RNASE13: variants seen among roughly 807,000 people sequenced by gnomAD.
The protein encoded by RNASE13 is probable inactive ribonuclease-like protein 13.
For missense variants in RNASE13, 188 were observed against 192.8 expected, an observed-to-expected ratio of 0.98 and a Z score of 0.15; for synonymous variants, 67 against 71.6, an observed-to-expected ratio of 0.94 and a Z score of 0.32.
rs934146877 is a variant in RNASE13, at chr14:21,033,183, G to C, written c.*635C>G. ...GGGTGACTACGGTTGTTGGGAGTGT[G>C]GGGGAGACAGTCCTAGGCTCCATGG... On this transcript the variant is annotated 3_prime_UTR_variant, in exon 2 of 2. Coordinates refer to ENST00000382951, the MANE Select transcript of RNASE13 (RefSeq NM_001012264.4). 8.2e-6 allele frequency: 3 copies of C among 365,648 alleles called. No individual in the cohort carries two copies. Among genetic ancestry groups the C allele is most frequent in the South Asian group, 2.1e-5 (1 of 48,166 alleles). 22.7% of individuals were successfully genotyped at this position (365,648 alleles called of 1,614,324 possible). A position where few individuals can be genotyped will look rare whatever the true frequency, so the allele number is the denominator to read the frequency against.
In RNASE13 at chr14:21,034,290, C is replaced by T. The variant is rs1884467848; in HGVS notation, c.-2G>A. Reference sequence around the variant, plus strand: ...GAGCCGGGTCACAGCTGGTGCCATTCCTCCTGCTGGTAGAGTTAAGGTGGT... The same window carrying T: ...GAGCCGGGTCACAGCTGGTGCCATTTCTCCTGCTGGTAGAGTTAAGGTGGT... On this transcript the variant is annotated 5_prime_UTR_variant, in exon 2 of 2. Transcript: ENST00000382951. The T allele has an allele frequency of 4.4e-6, 7 of 1,604,786 alleles. No individual in the cohort carries two copies. The highest frequency in any genetic ancestry group is 5.1e-6 in the Non-Finnish European group (6 of 1,174,750).
In RNASE13 at chr14:21,033,380, A is replaced by T. The variant is rs992865575; in HGVS notation, c.*438T>A. The T allele has an allele frequency of 5.2e-5, 14 of 269,870 alleles. No homozygotes were observed. Among genetic ancestry groups the T allele is most frequent in the African/African-American group, 2.9e-4 (13 of 44,504 alleles). 16.7% of individuals were successfully genotyped at this position (269,870 alleles called of 1,614,324 possible). A position where few individuals can be genotyped will look rare whatever the true frequency, so the allele number is the denominator to read the frequency against. ...CTGAGTAGGTGGGTGAGTGGAGGGA[A>T]TTATAAGGGAACTGGGGGAGGCTGA... is the stretch of plus-strand genomic sequence containing the variant. On this transcript the variant is annotated 3_prime_UTR_variant, in exon 2 of 2. Transcript: ENST00000382951.
rs1884402414 is a variant in RNASE13, at chr14:21,033,648, C to G, written c.*170G>C. ...GCTGGAAAGAACCTAGAAGATAGCA[C>G]CACTTTGCATGGTGATCAAAGCCCT... On this transcript the variant is annotated 3_prime_UTR_variant, in exon 2 of 2. Coordinates refer to ENST00000382951, the MANE Select transcript of RNASE13 (RefSeq NM_001012264.4). 5 of 622,382 alleles carry G rather than the reference C, an allele frequency of 8.0e-6. No individual in the cohort carries two copies. Among genetic ancestry groups the G allele is most frequent in the Middle Eastern group, 3.1e-4 (1 of 3,182 alleles). The allele number at this position is 622,382 out of a possible 1,614,324, so 38.6% of individuals were successfully genotyped here.
At position 21,034,096 on chromosome 14, in the gene RNASE13, T is replaced by G. The variant is rs1884447135; in HGVS notation, c.193A>C (p.Asn65His). 6.2e-7 allele frequency: 1 copy of G among 1,614,158 alleles called. No homozygotes were observed. The highest frequency in any genetic ancestry group is 8.5e-7 in the Non-Finnish European group (1 of 1,180,014). ...TAATGGATCTTTGGGCAATCTGAAT[T>G]TTGCATCTTGCCTCGCATATAGGAC... ...LMSYMRGKMQ[N>H]SDCPKIHYVI... The change falls in exon 2 of 2, where the codon AAT becomes CAT. Residue 65 changes from asparagine (N) to histidine (H), a missense_variant. Asn to His is a moderately conservative substitution (Grantham distance 68). Coordinates refer to ENST00000382951, the MANE Select transcript of RNASE13 (RefSeq NM_001012264.4).
In RNASE13 at chr14:21,033,967, G is replaced by T. The variant is rs1884434514; in HGVS notation, c.322C>A (p.Pro108Thr). The T allele has an allele frequency of 6.2e-7, 1 of 1,613,890 alleles. No homozygotes were observed. Among genetic ancestry groups the T allele is most frequent in the Non-Finnish European group, 8.5e-7 (1 of 1,179,920 alleles). ...TGGCTCAGGGAGCAGACCGTGATGG[G>T]GAGGGAATCCTGGGTGAGTGTGCAG... ...EYCTLTQDSL[P>T]ITVCSLSHQQ... Residue 108 changes from proline (P) to threonine (T), a missense_variant, in exon 2 of 2, where the codon CCC becomes ACC. By Grantham distance (38) the Pro-to-Thr change is conservative (BLOSUM62 -1). Transcript: ENST00000382951.
At position 21,034,093 on chromosome 14, in the gene RNASE13, A is replaced by G; in HGVS notation, c.196T>C (p.Ser66Pro). The G allele has an allele frequency of 6.2e-7, 1 of 1,614,168 alleles. No individual in the cohort carries two copies. The highest frequency in any genetic ancestry group is 1.6e-4 in the Middle Eastern group (1 of 6,062). The change falls in exon 2 of 2, where the codon TCA becomes CCA. Residue 66 changes from serine to proline, a missense_variant. Coordinates refer to ENST00000382951, the MANE Select transcript of RNASE13 (RefSeq NM_001012264.4). Reference protein sequence around the residue: ...MSYMRGKMQNSDCPKIHYVIH... With the variant: ...MSYMRGKMQNPDCPKIHYVIH... ...ACATAATGGATCTTTGGGCAATCTG[A>G]ATTTTGCATCTTGCCTCGCATATAG...
rs1204934004 is a variant in RNASE13, at chr14:21,032,882, C to CA, written c.*935dup. 1 of 451,094 alleles carries CA rather than the reference C, an allele frequency of 2.2e-6. No homozygotes were observed. The allele number at this position is 451,094 out of a possible 1,614,324, so 27.9% of individuals were successfully genotyped here. On this transcript the variant is annotated 3_prime_UTR_variant, in exon 2 of 2. Transcript: ENST00000382951. ...TGACAGGAAGTTACAAAAAATGGTA[C>CA]AGAGGGGGCTCGTGTGCCCTTCACC...
Position 21,034,127 on chromosome 14 carries a change from A to G in RNASE13, c.162T>C (p.Gly54=). ...TCTTGCCTCGCATATAGGACATCAG[A>G]CCATTACAATAGCCCCGGAAACCCT... ...YPKGFRGYCN[G]LMSYMRGKMQ... The change falls in exon 2 of 2, where the codon GGT becomes GGC. Residue 54 remains glycine, a synonymous_variant. Coordinates refer to ENST00000382951, the MANE Select transcript of RNASE13 (RefSeq NM_001012264.4). 6.2e-7 allele frequency: 1 copy of G among 1,614,198 alleles called. No homozygotes were observed. Among genetic ancestry groups the G allele is most frequent in the South Asian group, 1.1e-5 (1 of 91,080 alleles).
In RNASE13 at chr14:21,033,577, G is replaced by A. The variant is rs1243506150; in HGVS notation, c.*241C>T. 5.3e-6 allele frequency: 3 copies of A among 566,562 alleles called. No homozygotes were observed. In the East Asian group the frequency reaches 8.9e-5, roughly 17 times the overall value. The allele number at this position is 566,562 out of a possible 1,614,324, so 35.1% of individuals were successfully genotyped here. ...CTTGGGTGGGTTTTACTGTCTCTGG[G>A]AGAGGAAGGATGATGAGGAGGTGGG... is the stretch of plus-strand genomic sequence containing the variant. On this transcript the variant is annotated 3_prime_UTR_variant, in exon 2 of 2. Coordinates refer to ENST00000382951, the MANE Select transcript of RNASE13 (RefSeq NM_001012264.4).
rs1884339257 is a variant in RNASE13 at position 21,033,005 on chromosome 14, G to A, written c.*813C>T. On this transcript the variant is annotated 3_prime_UTR_variant, in exon 2 of 2. Transcript: ENST00000382951. ...CCTGCCTCATTCGCTGCCTGGTCAG[G>A]GGCAGACTCTGGAGTCTGGGGGATT... is the stretch of plus-strand genomic sequence containing the variant. 4 of 455,614 alleles carry A rather than the reference G, an allele frequency of 8.8e-6. No homozygotes were observed. The highest frequency in any genetic ancestry group is 6.2e-5 in the South Asian group (4 of 64,450). 28.2% of individuals were successfully genotyped at this position (455,614 alleles called of 1,614,324 possible). A position where few individuals can be genotyped will look rare whatever the true frequency, so the allele number is the denominator to read the frequency against.
Position 21,032,896 on chromosome 14 carries a change from G to C in RNASE13, c.*922C>G. The C allele has an allele frequency of 2.2e-6, 1 of 454,338 alleles. No individual in the cohort carries two copies. The highest frequency in any genetic ancestry group is 1.6e-5 in the South Asian group (1 of 64,274). 28.1% of individuals were successfully genotyped at this position (454,338 alleles called of 1,614,324 possible). A position where few individuals can be genotyped will look rare whatever the true frequency, so the allele number is the denominator to read the frequency against. The stretch of plus-strand genomic sequence containing the variant: ...AAAAAATGGTACAGAGGGGGCTCGT[G>C]TGCCCTTCACCCAGTTTCCCCCAAT... On this transcript the variant is annotated 3_prime_UTR_variant, in exon 2 of 2. Coordinates refer to ENST00000382951, the MANE Select transcript of RNASE13 (RefSeq NM_001012264.4).
In RNASE13 at chr14:21,032,967, G is replaced by C. The variant is rs767378309; in HGVS notation, c.*851C>G. ...GATGTGGTTTTAGAAATTTATGTTC[G>C]ATTAGAGCCGGGCCTGCCTCATTCG... On this transcript the variant is annotated 3_prime_UTR_variant, in exon 2 of 2. Transcript: ENST00000382951. 1.1e-5 allele frequency: 5 copies of C among 455,982 alleles called. No individual in the cohort carries two copies. The East Asian group carries it at 2.1e-4, about 19-fold the overall frequency. 28.2% of individuals were successfully genotyped at this position (455,982 alleles called of 1,614,324 possible). A position where few individuals can be genotyped will look rare whatever the true frequency, so the allele number is the denominator to read the frequency against.
At position 21,033,756 on chromosome 14, in the gene RNASE13, C is replaced by A; in HGVS notation, c.*62G>T. 2 of 1,105,772 alleles carry A rather than the reference C, an allele frequency of 1.8e-6. No homozygotes were observed. The highest frequency in any genetic ancestry group is 2.8e-6 in the Non-Finnish European group (2 of 716,520). The allele number at this position is 1,105,772 out of a possible 1,614,324, so 68.5% of individuals were successfully genotyped here. A position where few individuals can be genotyped will look rare whatever the true frequency, so the allele number is the denominator to read the frequency against. Reference sequence around the variant, plus strand: ...AGGAAGGAAGTCTTGTTACAGGGATCAGAGTGTTGGAAATGGAGACAGCTG... The same window carrying A: ...AGGAAGGAAGTCTTGTTACAGGGATAAGAGTGTTGGAAATGGAGACAGCTG... On this transcript the variant is annotated 3_prime_UTR_variant, in exon 2 of 2. Transcript: ENST00000382951.
chr14:21,033,504 T>A lies in RNASE13; in HGVS notation c.*314A>T, dbSNP rs1307660288. 3 of 398,966 alleles carry A rather than the reference T, an allele frequency of 7.5e-6. No individual in the cohort carries two copies. The highest frequency in any genetic ancestry group is 6.1e-5 in the African/African-American group (3 of 49,194). The allele number at this position is 398,966 out of a possible 1,614,324, so 24.7% of individuals were successfully genotyped here. A position where few individuals can be genotyped will look rare whatever the true frequency, so the allele number is the denominator to read the frequency against. ...CTGGGCCTCCATCCAGGACTTAGGA[T>A]CTGGCCCAGTGGGTGGACAGTCACT... On this transcript the variant is annotated 3_prime_UTR_variant, in exon 2 of 2. Coordinates refer to ENST00000382951, the MANE Select transcript of RNASE13 (RefSeq NM_001012264.4).
Position 21,033,812 on chromosome 14 carries a change from C to T in RNASE13, c.*6G>A, listed in dbSNP as rs1245287236. Reference sequence around the variant, plus strand: ...TGGTGGTAGAGGTTGGGGAGTGGCTCAGGAATTAAATTCCCGAATAGAGAC... The same window carrying T: ...TGGTGGTAGAGGTTGGGGAGTGGCTTAGGAATTAAATTCCCGAATAGAGAC... On this transcript the variant is annotated 3_prime_UTR_variant, in exon 2 of 2. Coordinates refer to ENST00000382951, the MANE Select transcript of RNASE13 (RefSeq NM_001012264.4). 1.9e-6 allele frequency: 3 copies of T among 1,581,894 alleles called. No homozygotes were observed. Among genetic ancestry groups the T allele is most frequent in the Non-Finnish European group, 2.6e-6 (3 of 1,150,840 alleles).
rs1188953007 is a variant in RNASE13, at chr14:21,034,106, G to A, written c.183C>T (p.Gly61=). 1 of 1,614,172 alleles carries A rather than the reference G, an allele frequency of 6.2e-7. No individual in the cohort carries two copies. The highest frequency in any genetic ancestry group is 1.1e-5 in the South Asian group (1 of 91,086). The change falls in exon 2 of 2, where the codon GGC becomes GGT. Residue 61 remains glycine (G), a synonymous_variant. Coordinates refer to ENST00000382951, the MANE Select transcript of RNASE13 (RefSeq NM_001012264.4). ...YCNGLMSYMR[G]KMQNSDCPKI... is the part of the protein sequence containing the mutation. Reference sequence around the variant, plus strand: ...TTGGGCAATCTGAATTTTGCATCTTGCCTCGCATATAGGACATCAGACCAT... The same window carrying A: ...TTGGGCAATCTGAATTTTGCATCTTACCTCGCATATAGGACATCAGACCAT...
At position 21,033,775 on chromosome 14, in the gene RNASE13, A is replaced by G; in HGVS notation, c.*43T>C. ...AGGGATCAGAGTGTTGGAAATGGAGACAGCTGGCCTGTGGTGGTAGAGGTT... is the reference window on the plus strand; with the variant it reads ...AGGGATCAGAGTGTTGGAAATGGAGGCAGCTGGCCTGTGGTGGTAGAGGTT... On this transcript the variant is annotated 3_prime_UTR_variant, in exon 2 of 2. Coordinates refer to ENST00000382951, the MANE Select transcript of RNASE13 (RefSeq NM_001012264.4). 8.0e-7 allele frequency: 1 copy of G among 1,247,852 alleles called. No individual in the cohort carries two copies. The highest frequency in any genetic ancestry group is 1.2e-6 in the Non-Finnish European group (1 of 846,196). 77.3% of individuals were successfully genotyped at this position (1,247,852 alleles called of 1,614,324 possible).
Position 21,033,406 on chromosome 14 carries a change from C to G in RNASE13, c.*412G>C, listed in dbSNP as rs78311576. ...TTATAAGGGAACTGGGGGAGGCTGA[C>G]ATGAGAAGGCTGGTGGGGATGGGGA... is the stretch of plus-strand genomic sequence containing the variant. On this transcript the variant is annotated 3_prime_UTR_variant, in exon 2 of 2. Coordinates refer to ENST00000382951, the MANE Select transcript of RNASE13 (RefSeq NM_001012264.4). 8,102 of 274,412 alleles carry G rather than the reference C, an allele frequency of 0.03. 250 individuals are homozygous for G. Among genetic ancestry groups the G allele is most frequent in the East Asian group, 0.12 (1,256 of 10,214 alleles). 17.0% of individuals were successfully genotyped at this position (274,412 alleles called of 1,614,324 possible). A position where few individuals can be genotyped will look rare whatever the true frequency, so the allele number is the denominator to read the frequency against.
chr14:21,033,705 A>AG lies in RNASE13; in HGVS notation c.*112dup, dbSNP rs767313648. ...TTTCGCACCCACCTGGTCTCTTGGG[A>AG]GGGGACCCTGCCTGCCTCGTAAGTC... On this transcript the variant is annotated 3_prime_UTR_variant, in exon 2 of 2. Transcript: ENST00000382951. 2.3e-5 allele frequency: 18 copies of AG among 790,478 alleles called. No homozygotes were observed. The African/African-American group carries it at 3.0e-4, about 13-fold the overall frequency. 49.0% of individuals were successfully genotyped at this position (790,478 alleles called of 1,614,324 possible).
Sources: gnomAD v4.1 joint callset for allele counts on GRCh38, gnomAD v4.1.1 for gene constraint, MANE v1.5 for transcripts, NCBI Gene and HGNC (gene_info 2026-07-23, HGNC 2026-07-21) for gene names.